The following SAMD5 variants were observed in gnomAD, a reference collection of about 807,000 sequenced individuals.
SAMD5 encodes the protein sterile alpha motif domain-containing protein 5.
A neutral mutation model predicts 11.3 loss-of-function variants in SAMD5; 13 were observed. The observed-to-expected ratio is 1.15, with a 90% CI of 0.75 to 1.83. SAMD5 has a LOEUF of 1.83. Among genes scored for constraint, SAMD5 ranks in the 40% most tolerant of loss-of-function variants. The probability of loss-of-function intolerance (pLI) is 0.00; values close to 1 mark genes in which losing one functional copy is unlikely to be tolerated. For synonymous variants in SAMD5, 129 were observed against 111.3 expected, an observed-to-expected ratio of 1.16 and a Z score of -1.00; for missense variants, 255 against 239.1, an observed-to-expected ratio of 1.07 and a Z score of -0.44.
intron 1 of SAMD5, among the ~76,000 whole-genome samples, chr6:147,578,754 TA>T (rs1789253684): frequency 6.6e-6 from 1 of 151,458 alleles, no homozygotes; most frequent in Admixed American, 6.6e-5. Flanking sequence ...TAATCATTTA[TA>T]TTTCATACAG....
chr6:147,703,628 TACAAAGTCCAAA>T (rs1791286234), intron 1 of SAMD5, among the ~76,000 whole-genome samples: 2 of 152,174 alleles, frequency 1.3e-5, no homozygotes, highest in African/African-American at 4.8e-5. Context: ...ATATTTGAGC[TACAAAGTCCAAA>T]TCACAATCTC....
intron 1 of SAMD5, among the ~76,000 whole-genome samples, chr6:147,703,251 A>G (rs1256581301): frequency 6.6e-6 from 1 of 152,060 alleles, no homozygotes; most frequent in Non-Finnish European, 1.5e-5. Flanking sequence ...TATTTTTTGT[A>G]GAGATGGGGT....
intron 1 of SAMD5, among the ~76,000 whole-genome samples, chr6:147,721,880 G>T (rs946741854): frequency 2.0e-5 from 3 of 151,978 alleles, no homozygotes; most frequent in Non-Finnish European, 4.4e-5. Context: ...TTTCCATAAA[G>T]TTATAATTTT....
intron 1 of SAMD5, among the ~76,000 whole-genome samples, chr6:147,707,418 A>G (rs1271701864): frequency 2.0e-5 from 3 of 152,174 alleles, no homozygotes; most frequent in Non-Finnish European, 2.9e-5. Flanking sequence ...AAAGGCTGCA[A>G]TGGTGTTAAA....
the SAMD5 span, among the ~76,000 whole-genome samples, chr6:147,877,609 G>A: frequency 7.2e-5 from 11 of 152,090 alleles, no homozygotes; most frequent in Non-Finnish European, 1.3e-4. Context: ...ATTTTTTGAT[G>A]TGTTTAATAT....
intron 1 of SAMD5, among the ~76,000 whole-genome samples, chr6:147,546,414 C>T (rs1037660526): frequency 2.0e-5 from 3 of 152,040 alleles, no homozygotes; most frequent in African/African-American, 4.8e-5. Flanking sequence ...CCTGTAATCT[C>T]AGCTACTTGG....
At chr6:147,609,388 A>C (rs927221490) in intron 1 of SAMD5, among the ~76,000 whole-genome samples, 8 of 152,288 alleles carry the variant, frequency 5.3e-5, no homozygotes, top group African/African-American at 1.4e-4. Flanking sequence ...ACCTCACTCT[A>C]GGACTTCCAG....
intron 1 of SAMD5, among the ~76,000 whole-genome samples, chr6:147,655,882 A>G (rs1160804919): frequency 6.6e-6 from 1 of 152,236 alleles, no homozygotes; most frequent in East Asian, 1.9e-4. Context: ...ATTAGATAAA[A>G]GAAAGAATAA....
At chr6:147,951,190 T>TTCC in the SAMD5 span, among the ~76,000 whole-genome samples, 1 of 142,736 alleles carries the variant, frequency 7.0e-6, no homozygotes, top group East Asian at 2.2e-4. Flanking sequence ...TCTTTCTTTC[T>TTCC]TTTTTTTTTT....
chr6:147,888,748 G>A, the SAMD5 span, among the ~76,000 whole-genome samples: 1 of 151,938 alleles, frequency 6.6e-6, no homozygotes, highest in African/African-American at 2.4e-5. Flanking sequence ...AGCTGGGCAT[G>A]GTGGCAGGTG....
At chr6:147,804,408 C>G in the SAMD5 span, among the ~76,000 whole-genome samples, 8 of 152,286 alleles carry the variant, frequency 5.3e-5, no homozygotes, top group African/African-American at 1.7e-4. Context: ...CTGCGCCCAG[C>G]CTGAAGGTAT....
chr6:147,642,893 G>A (rs578100137), intron 1 of SAMD5, among the ~76,000 whole-genome samples: 36 of 152,248 alleles, frequency 2.4e-4, no homozygotes, highest in African/African-American at 6.7e-4. Flanking sequence ...GGTCCCAGTC[G>A]TTAGTTGGCT....
intron 1 of SAMD5, chr6:147,729,739 A>G (rs1791681521): frequency 2.2e-6 from 1 of 456,636 alleles, no homozygotes. Flanking sequence ...CTGGGAGAAC[A>G]TTTTAGGCAG....
At chr6:147,779,395 A>G in the SAMD5 span, among the ~76,000 whole-genome samples, 1 of 152,136 alleles carries the variant, frequency 6.6e-6, no homozygotes, top group Non-Finnish European at 1.5e-5. Flanking sequence ...TGACCACAGA[A>G]CTTTAAAAAT....
intron 1 of SAMD5, among the ~76,000 whole-genome samples, chr6:147,605,477 A>G (rs1247396500): frequency 1.3e-5 from 2 of 152,196 alleles, no homozygotes; most frequent in Admixed American, 1.3e-4. Flanking sequence ...AGAATCTGTA[A>G]GTAATCTTTG....
chr6:147,611,221 A>G (rs1789779871), intron 1 of SAMD5, among the ~76,000 whole-genome samples: 1 of 152,172 alleles, frequency 6.6e-6, no homozygotes, highest in African/African-American at 2.4e-5. Context: ...CTGGAACTAC[A>G]TACAAACCCT....
chr6:147,934,006 T>C, the SAMD5 span, among the ~76,000 whole-genome samples: 1 of 152,224 alleles, frequency 6.6e-6, no homozygotes, highest in Non-Finnish European at 1.5e-5. Flanking sequence ...CACGTCCTAA[T>C]ATAAGCCTCT....
the SAMD5 span, among the ~76,000 whole-genome samples, chr6:147,804,943 A>C: frequency 6.6e-6 from 1 of 152,262 alleles, no homozygotes; most frequent in Non-Finnish European, 1.5e-5. Flanking sequence ...TGAGATTAAA[A>C]AGGTGTATTC....
the SAMD5 span, among the ~76,000 whole-genome samples, chr6:147,940,884 C>T: frequency 6.6e-6 from 1 of 152,156 alleles, no homozygotes; most frequent in African/African-American, 2.4e-5. Flanking sequence ...ATCACTTGAA[C>T]TCCGGAGGCG....
Sources: gnomAD v4.1 joint callset for allele counts (sites outside exome capture counted in the v4.1 genomes callset) on GRCh38, gnomAD v4.1.1 for gene constraint, MANE v1.5 for transcripts, NCBI Gene and HGNC (gene_info 2026-07-23, HGNC 2026-07-21) for gene names.